Variants in DAGLB observed in about 807,000 individuals in gnomAD.
DAGLB encodes diacylglycerol lipase beta.
A neutral mutation model predicts 72.1 loss-of-function variants in DAGLB; 66 were observed. The ratio of observed to expected loss-of-function variants is 0.92; its 90% CI spans 0.75 to 1.12. The LOEUF (loss-of-function observed/expected upper bound fraction) is 1.12. DAGLB is among the 50% of genes most tolerant of loss of function. The pLI is 0.00. For synonymous variants in DAGLB, 414 were observed against 359.5 expected (o/e 1.15, Z -1.71); for missense variants, 1,065 against 884.9 (o/e 1.20, Z -2.58).
At chr7:6,433,958 T>C (rs1784572078) in intron 4 of DAGLB, among the ~76,000 whole-genome samples, 1 of 152,170 alleles carries the variant, frequency 6.6e-6, no homozygotes, top group African/African-American at 2.4e-5. Context: ...GCTTCTCTTC[T>C]TCCCTCTTCC....
intron 11 of DAGLB, 153 bp downstream of exon 11, chr7:6,416,474 T>G (rs928389323): frequency 9.0e-7 from 1 of 1,107,938 alleles, no homozygotes; most frequent in East Asian, 2.7e-5. Flanking sequence ...ACCTGGGAGG[T>G]GGAGCTTGCA....
chr7:6,422,102 A>G (rs1784146693), intron 8 of DAGLB: 4 of 455,238 alleles, frequency 8.8e-6, no homozygotes, highest in South Asian at 1.8e-5. Flanking sequence ...ACCCCGTGGC[A>G]CAGAACCTGT....
At chr7:6,420,501 T>C (rs574556328) in intron 9 of DAGLB, among the ~76,000 whole-genome samples, 4 of 151,714 alleles carry the variant, frequency 2.6e-5, no homozygotes, top group African/African-American at 9.7e-5. Context: ...CGATTCCACT[T>C]CTGTGGGGTT....
Position 6,410,441 on chromosome 7 carries a change from C to T in DAGLB, c.1570-61G>A, listed in dbSNP as rs890009588. The stretch of plus-strand genomic sequence containing the variant: ...TCACCCTCTGTCACCCGAGACCTCC[C>T]GAAACACCAAGGCGGACCAGGCACA... On this transcript the variant is annotated intron_variant, in intron 13 of 14. Transcript: ENST00000297056. The T allele has an allele frequency of 2.3e-5, 35 of 1,539,928 alleles. No individual in the cohort carries two copies. The African/African-American group carries it at 3.6e-4, about 16-fold the overall frequency.
Position 6,412,958 on chromosome 7 carries a change from G to T in DAGLB, c.1496+8C>A. ...CCCAGCCCTGGGCACAGCACCAGGT[G>T]GGCTTACCTGGGAATCACATCCTTC... On this transcript the variant is annotated splice_region_variant and intron_variant, in intron 12 of 14. Transcript: ENST00000297056. 1 of 1,613,880 alleles carries T rather than the reference G, an allele frequency of 6.2e-7. No individual in the cohort carries two copies. The highest frequency in any genetic ancestry group is 2.2e-5 in the East Asian group (1 of 44,868).
intron 3 of DAGLB, 57 bp from the exon 4 acceptor site, chr7:6,435,077 A>G (rs2115281586): frequency 2.5e-6 from 4 of 1,589,990 alleles, no homozygotes; most frequent in Non-Finnish European, 3.4e-6. Context: ...CCAGACGCAG[A>G]TGTCCGGGGT....
chr7:6,422,253 A>T, intron 8 of DAGLB: 1 of 313,198 alleles, frequency 3.2e-6, no homozygotes, highest in Non-Finnish European at 6.4e-6. Flanking sequence ...GCCCAGGCGC[A>T]GGGGCAGCTC....
At position 6,426,175 on chromosome 7, in the gene DAGLB, C is replaced by T. The variant is rs1414753247; in HGVS notation, c.930-61G>A. 6.2e-6 allele frequency: 10 copies of T among 1,602,558 alleles called. No individual in the cohort carries two copies. In the Admixed American group the frequency reaches 6.7e-5, roughly 11 times the overall value. ...GAGCCACTTGGCAAGGAACGTCCAT[C>T]CTCACTGCCACATGTTCCCAGAGAC... On this transcript the variant is annotated intron_variant, in intron 6 of 14. Coordinates refer to ENST00000297056, the MANE Select transcript of DAGLB (RefSeq NM_139179.4).
intron 2 of DAGLB, among the ~76,000 whole-genome samples, chr7:6,441,118 T>A (rs1393750318): frequency 2.0e-5 from 3 of 146,368 alleles, no homozygotes. Flanking sequence ...TGAGATGGAG[T>A]CTCGCTCTGT....
chr7:6,443,868 C>T (rs1026052896), intron 2 of DAGLB, among the ~76,000 whole-genome samples: 1 of 152,204 alleles, frequency 6.6e-6, no homozygotes. Flanking sequence ...GTGCTCACAT[C>T]ATCCTATGAA....
At chr7:6,443,202 A>C (rs1784886846) in intron 2 of DAGLB, among the ~76,000 whole-genome samples, 1 of 149,514 alleles carries the variant, frequency 6.7e-6, no homozygotes, top group African/African-American at 2.5e-5. Context: ...AAAAAAAACA[A>C]AAAACAAAAA....
At chr7:6,436,623 A>G in intron 2 of DAGLB, 90 bp from the exon 3 acceptor site, 1 of 1,547,682 alleles carries the variant, frequency 6.5e-7, no homozygotes, top group Non-Finnish European at 8.8e-7. Flanking sequence ...TGCAGAGCAT[A>G]CATTTGTACT....
In DAGLB at chr7:6,445,976, G is replaced by A. The variant is rs772602966; in HGVS notation, c.224C>T (p.Ala75Val). The A allele has an allele frequency of 2.5e-6, 4 of 1,607,706 alleles. No individual in the cohort carries two copies. Among genetic ancestry groups the A allele is most frequent in the Non-Finnish European group, 3.4e-6 (4 of 1,177,928 alleles). Reference sequence around the variant, plus strand: ...ACCTCTCATGCTGACACACATGATGGCTGACACAGTACATATGACAACTGC... The same window carrying A: ...ACCTCTCATGCTGACACACATGATGACTGACACAGTACATATGACAACTGC... The part of the protein sequence containing the change: ...LLAVVICTVS[A>V]IMCVSMRGTI... Residue 75 changes from alanine to valine, a missense_variant, in exon 2 of 15, where the codon GCC becomes GTC. By Grantham distance (64) the Ala-to-Val change is moderately conservative. Transcript: ENST00000297056.
Position 6,409,954 on chromosome 7 carries a change from C to A in DAGLB, c.1902G>T (p.Lys634Asn), listed in dbSNP as rs143267120. The A allele has an allele frequency of 1.9e-6, 3 of 1,614,022 alleles. No individual in the cohort carries two copies. The highest frequency in any genetic ancestry group is 2.5e-6 in the Non-Finnish European group (3 of 1,180,052). ...TGTCTGGCATGTGGTCGGTGAGCAT[C>A]TTCGGACCTATGAGTATTTTGCTGA... ...AEFSKILIGP[K>N]MLTDHMPDIL... Residue 634 changes from lysine to asparagine, a missense_variant, in exon 15 of 15, where the codon AAG (lysine) becomes AAT (asparagine). Coordinates refer to ENST00000297056, the MANE Select transcript of DAGLB (RefSeq NM_139179.4).
At chr7:6,439,270 GAAA>G (rs60313792) in intron 2 of DAGLB, among the ~76,000 whole-genome samples, 93 of 130,162 alleles carry the variant, frequency 7.1e-4, no homozygotes, top group African/African-American at 2.6e-3. Flanking sequence ...GAAAAAAAAA[GAAA>G]AAAAAAAAAA....
At chr7:6,412,917 C>T in intron 12 of DAGLB, 34 bp from the exon 13 acceptor site, 1 of 1,612,454 alleles carries the variant, frequency 6.2e-7, no homozygotes, top group Non-Finnish European at 8.5e-7. Flanking sequence ...AGGCTGGGAC[C>T]TGGCACTCCC....
At position 6,410,246 on chromosome 7, in the gene DAGLB, G is replaced by C; in HGVS notation, c.1704C>G (p.Arg568=). Reference sequence around the variant, plus strand: ...TGGAGAAGCTGTAGGCCGGGGACCAGCGCGTCAGTAGGCTCTGCTCCCCCA... The same window carrying C: ...TGGAGAAGCTGTAGGCCGGGGACCACCGCGTCAGTAGGCTCTGCTCCCCCA... ...PLLGEQSLLT[R]WSPAYSFSSD... is the part of the protein sequence containing the mutation. The change falls in exon 14 of 15, where the codon CGC becomes CGG. Residue 568 remains arginine, a synonymous_variant. Transcript: ENST00000297056. 3.1e-6 allele frequency: 5 copies of C among 1,613,156 alleles called. No individual in the cohort carries two copies. Among genetic ancestry groups the C allele is most frequent in the Non-Finnish European group, 4.2e-6 (5 of 1,179,600 alleles).
intron 9 of DAGLB, among the ~76,000 whole-genome samples, chr7:6,419,850 G>T (rs1281780929): frequency 1.3e-5 from 2 of 152,186 alleles, no homozygotes; most frequent in Non-Finnish European, 2.9e-5. Flanking sequence ...ATACAAAAAA[G>T]ACAGCAAAGG....
At chr7:6,424,976 T>A in intron 7 of DAGLB, 141 bp from the exon 8 acceptor site, 1 of 758,128 alleles carries the variant, frequency 1.3e-6, no homozygotes, top group South Asian at 1.5e-5. Flanking sequence ...CCACTCACGC[T>A]CACTACACAG....
Sources: allele counts gnomAD v4.1 joint callset (sites outside exome capture counted in the v4.1 genomes callset), GRCh38; gene constraint gnomAD v4.1.1; transcripts MANE v1.5; gene names NCBI Gene and HGNC (gene_info 2026-07-23, HGNC 2026-07-21).